The following KIF20B variants were observed in gnomAD, a reference collection of about 807,000 sequenced individuals.
KIF20B encodes the protein kinesin family member 20B.
A neutral mutation model predicts 232.5 loss-of-function variants in KIF20B; 188 were observed. That is an observed-to-expected ratio of 0.81 (90% CI 0.72 to 0.91). The LOEUF (loss-of-function observed/expected upper bound fraction) is 0.91. KIF20B is among the 40% of genes least tolerant of loss of function. The pLI, the probability that KIF20B is intolerant of heterozygous loss-of-function variation, is 0.00. For synonymous variants in KIF20B, 712 were observed against 683.0 expected (o/e 1.04, Z -0.66); for missense variants, 2,154 against 2,055.9 (o/e 1.05, Z -0.92).
At chr10:89,760,458 A>G in intron 27 of KIF20B, 68 bp from the exon 28 acceptor site, 1 of 915,014 alleles carries the variant, frequency 1.1e-6, no homozygotes. Context: ...TATATTCTTT[A>G]TGTGAAGTTT....
At position 89,738,618 on chromosome 10, in the gene KIF20B, G is replaced by A; in HGVS notation, c.3776+1G>A. On this transcript the variant is annotated splice_donor_variant, in intron 20 of 32. Coordinates refer to ENST00000371728, the MANE Select transcript of KIF20B (RefSeq NM_001284259.2). LOFTEE classifies it high-confidence loss of function. ...AAACCAACAGGCAAGAAACAGAAAA[G>A]TAAGCTAAATGTTATTCAAAATATT... 6.5e-7 allele frequency: 1 copy of A among 1,543,944 alleles called. No individual in the cohort carries two copies. Among genetic ancestry groups the A allele is most frequent in the South Asian group, 1.3e-5 (1 of 79,166 alleles).
In KIF20B at chr10:89,738,094, A is replaced by G. The variant is rs1308948786; in HGVS notation, c.3253A>G (p.Ile1085Val). The G allele has an allele frequency of 1.2e-6, 2 of 1,612,630 alleles. No homozygotes were observed. The highest frequency in any genetic ancestry group is 1.3e-5 in the African/African-American group (1 of 75,028). ...SHQIEELEQQ[I>V]EKLQAEVKGY... ...TCAGATTGAGGAACTGGAACAACAAATTGAAAAATTGCAGGCAGAAGTAAA... is the reference window on the plus strand; with the variant it reads ...TCAGATTGAGGAACTGGAACAACAAGTTGAAAAATTGCAGGCAGAAGTAAA... The change falls in exon 20 of 33, where the codon ATT becomes GTT. Residue 1085 changes from isoleucine (I) to valine (V), a missense_variant. By Grantham distance (29) the Ile-to-Val change is conservative. Transcript: ENST00000371728.
Position 89,727,908 on chromosome 10 carries a change from A to T in KIF20B, c.2271+12A>T. 1 of 1,545,996 alleles carries T rather than the reference A, an allele frequency of 6.5e-7. No individual in the cohort carries two copies. Among genetic ancestry groups the T allele is most frequent in the Non-Finnish European group, 8.8e-7 (1 of 1,134,770 alleles). On this transcript the variant is annotated intron_variant, in intron 17 of 32. Transcript: ENST00000371728. ...AGACATCTAATAAGGTAATGCTTTA[A>T]GTTTTATTTTGTCTTGATAAGGTAT...
At chr10:89,757,069 T>TATATATATACACACACACAC (rs138088478) in intron 26 of KIF20B, among the ~76,000 whole-genome samples, 8 of 134,366 alleles carry the variant, frequency 6.0e-5, no homozygotes, top group African/African-American at 1.7e-4. Context: ...TATATATATA[T>TATATATATACACACACACAC]ACACACATGA....
Position 89,719,454 on chromosome 10 carries a change from G to A in KIF20B, c.1470G>A (p.Glu490=). ...CVPDTLNSSQ[E]KLFGPVKSSQ... is the part of the protein sequence containing the mutation. ...CAGACACTTTAAATTCCTCTCAAGA[G>A]AAATTATTTGGACCTGTCAAATCTT... The change falls in exon 13 of 33, where the codon GAG becomes GAA. Residue 490 remains glutamate (E), a synonymous_variant. Coordinates refer to ENST00000371728, the MANE Select transcript of KIF20B (RefSeq NM_001284259.2). 1 of 1,591,522 alleles carries A rather than the reference G, an allele frequency of 6.3e-7. No individual in the cohort carries two copies. The highest frequency in any genetic ancestry group is 1.4e-5 in the African/African-American group (1 of 73,464).
chr10:89,726,375 T>G lies in KIF20B; in HGVS notation c.2084T>G (p.Ile695Ser). Residue 695 changes from isoleucine to serine, a missense_variant, in exon 16 of 33, where the codon ATT becomes AGT. By Grantham distance (142) the Ile-to-Ser change is moderately radical. Transcript: ENST00000371728. ...GCTGATATTAAGAAACAGGCTGAAA[T>G]TGCTCACTTATATATTGCATCTCTT... ...NVADIKKQAEIAHLYIASLPD... is the reference protein window; with the variant it reads ...NVADIKKQAESAHLYIASLPD... The G allele has an allele frequency of 6.4e-7, 1 of 1,565,702 alleles. No individual in the cohort carries two copies. The highest frequency in any genetic ancestry group is 8.7e-7 in the Non-Finnish European group (1 of 1,153,152).
intron 13 of KIF20B, among the ~76,000 whole-genome samples, chr10:89,720,929 C>T (rs776473828): frequency 1.3e-5 from 2 of 152,072 alleles, no homozygotes; most frequent in African/African-American, 4.8e-5. Flanking sequence ...AGGCTGGTCT[C>T]GAACTCCTGA....
chr10:89,749,252 A>T (rs1221178871), intron 23 of KIF20B, among the ~76,000 whole-genome samples: 2 of 152,156 alleles, frequency 1.3e-5, no homozygotes, highest in Admixed American at 6.6e-5. Context: ...TTTCCCTACA[A>T]ATAGACAACA....
chr10:89,729,963 G>A (rs957171736), intron 18 of KIF20B, among the ~76,000 whole-genome samples: 3 of 152,116 alleles, frequency 2.0e-5, no homozygotes, highest in Non-Finnish European at 2.9e-5. Flanking sequence ...GTTGAAAGGT[G>A]CTTTTTTATG....
chr10:89,773,895 C>T, intron 32 of KIF20B, 76 bp from the exon 33 acceptor site: 1 of 833,090 alleles, frequency 1.2e-6, no homozygotes, highest in East Asian at 2.6e-5. Context: ...ATGAACATGT[C>T]TTACTCATTA....
intron 5 of KIF20B, among the ~76,000 whole-genome samples, chr10:89,710,416 A>G (rs1341783644): frequency 6.6e-6 from 1 of 152,106 alleles, no homozygotes; most frequent in African/African-American, 2.4e-5. Context: ...TTTTGTAGAA[A>G]TGGGGGTTCA....
chr10:89,771,312 A>G (rs1044939522), intron 31 of KIF20B, among the ~76,000 whole-genome samples: 17 of 152,068 alleles, frequency 1.1e-4, no homozygotes, highest in Non-Finnish European at 2.4e-4. Context: ...CTGCACGGAC[A>G]AAATGTCTGT....
rs189805210 is a variant in KIF20B at position 89,737,359 on chromosome 10, A to G, written c.2546-28A>G. The G allele has an allele frequency of 2.7e-3, 3,899 of 1,444,628 alleles. 5 individuals are homozygous for G. The highest frequency in any genetic ancestry group is 4.0e-3 in the Admixed American group (151 of 37,688). The allele number at this position is 1,444,628 out of a possible 1,614,324, so 89.5% of individuals were successfully genotyped here. A position where few individuals can be genotyped will look rare whatever the true frequency, so the allele number is the denominator to read the frequency against. On this transcript the variant is annotated intron_variant, in intron 19 of 32. Transcript: ENST00000371728. ...TTTTGGTTTTATTAAGGTTTGCCAG[A>G]TTAATAACAATTTTCTTATTTTTAA...
rs138507531 is a variant in KIF20B, at chr10:89,705,192, C to G, written c.-1-102C>G. The G allele has an allele frequency of 2.7e-3, 2,431 of 916,598 alleles. 4 individuals are homozygous for G. The highest frequency in any genetic ancestry group is 3.3e-3 in the Non-Finnish European group (1,926 of 585,234). 56.8% of individuals were successfully genotyped at this position (916,598 alleles called of 1,614,324 possible). On this transcript the variant is annotated intron_variant, in intron 1 of 32. Coordinates refer to ENST00000371728, the MANE Select transcript of KIF20B (RefSeq NM_001284259.2). ...ATGTAATGCGTTTCTTTTCTAAAAT[C>G]TAGTTATTTGGAGGGAAGTAGTGGG...
intron 22 of KIF20B, among the ~76,000 whole-genome samples, chr10:89,745,359 C>T (rs1841886871): frequency 6.6e-6 from 1 of 152,032 alleles, no homozygotes; most frequent in South Asian, 2.1e-4. Context: ...CCCGTCTCTA[C>T]TAAAAATACA....
At chr10:89,714,191 A>C (rs1415359508) in intron 7 of KIF20B, 108 bp downstream of exon 7, 1 of 590,552 alleles carries the variant, frequency 1.7e-6, no homozygotes, top group South Asian at 4.1e-5. Flanking sequence ...ATTATTAAAA[A>C]ATTTTTAGGC....
chr10:89,757,972 TTC>T lies in KIF20B; in HGVS notation c.4504-730_4504-729del, dbSNP rs1043529609. On this transcript the variant is annotated intron_variant, in intron 26 of 32. Transcript: ENST00000371728. ...AGATCGTCTCTTCTGTCCCATTGAT[TTC>T]TCTGTCTTTACATGCTGTCTTGATT... is the stretch of plus-strand genomic sequence containing the variant. Among the ~76,000 whole-genome samples, 47 of 152,090 alleles carry T rather than the reference TTC, an allele frequency of 3.1e-4. 1 individual carries two copies. Among genetic ancestry groups the T allele is most frequent in the African/African-American group, 1.1e-3 (47 of 41,542 alleles).
At chr10:89,768,538 T>C (rs1589886771) in intron 30 of KIF20B, 147 bp downstream of exon 30, 3 of 711,628 alleles carry the variant, frequency 4.2e-6, no homozygotes, top group East Asian at 5.5e-5. Context: ...CTACTTTATG[T>C]GTTTACTTCT....
intron 23 of KIF20B, among the ~76,000 whole-genome samples, chr10:89,749,855 C>A (rs1351430223): frequency 6.6e-6 from 1 of 151,986 alleles, no homozygotes; most frequent in Admixed American, 6.5e-5. Flanking sequence ...TTTGGGTAAA[C>A]TTATAGTTTT....
Sources: allele counts gnomAD v4.1 joint callset (sites outside exome capture counted in the v4.1 genomes callset), GRCh38; gene constraint gnomAD v4.1.1; transcripts MANE v1.5; gene names NCBI Gene and HGNC (gene_info 2026-07-23, HGNC 2026-07-21).